Variants in TMEM132D observed in about 807,000 individuals in gnomAD.
TMEM132D encodes transmembrane protein 132D, also known as mature OL transmembrane protein.
A neutral mutation model predicts 62.3 loss-of-function variants in TMEM132D; 21 were observed. The observed-to-expected ratio is 0.34, with a 90% confidence interval of 0.24 to 0.49. TMEM132D has a LOEUF of 0.49. TMEM132D is among the 20% of genes least tolerant of loss of function. TMEM132D has a pLI of 0.99. For missense variants in TMEM132D, 1,346 were observed against 1,402.8 expected, an observed-to-expected ratio of 0.96 and a Z score of 0.65; for synonymous variants, 621 against 575.6, an observed-to-expected ratio of 1.08 and a Z score of -1.13.
At chr12:129,696,490 C>T (rs2123073) in intron 2 of TMEM132D, among the ~76,000 whole-genome samples, 89,205 of 152,072 alleles carry the variant, frequency 0.59, 26,499 homozygotes, top group East Asian at 0.67. Context: ...CTAGGCCCCC[C>T]GGCTGACTGT....
In TMEM132D at chr12:129,700,023, G is replaced by A. The variant is rs1881341076; in HGVS notation, c.755C>T (p.Thr252Ile). The A allele has an allele frequency of 6.2e-7, 1 of 1,613,866 alleles. No individual in the cohort carries two copies. Among genetic ancestry groups the A allele is most frequent in the Non-Finnish European group, 8.5e-7 (1 of 1,180,038 alleles). Residue 252 changes from threonine to isoleucine, a missense_variant, in exon 2 of 9, where the codon ACA becomes ATA. Transcript: ENST00000422113. Reference protein sequence around the residue: ...EDARRSNGIRTGHSDIDESGP... With the variant: ...EDARRSNGIRIGHSDIDESGP... ...GGACTCATCGATGTCACTGTGGCCT[G>A]TCCGGATCCCATTGCTTCTCCTCGC...
intron 1 of TMEM132D, among the ~76,000 whole-genome samples, chr12:129,738,810 ATAG>A (rs1433293152): frequency 8.5e-5 from 13 of 152,186 alleles, no homozygotes; most frequent in African/African-American, 3.1e-4. Context: ...TGCCATCTTA[ATAG>A]TAGAACCTGC....
intron 3 of TMEM132D, among the ~76,000 whole-genome samples, chr12:129,461,463 G>T (rs1468974993): frequency 6.6e-6 from 1 of 151,974 alleles, no homozygotes; most frequent in Non-Finnish European, 1.5e-5. Context: ...AAGATGGACT[G>T]GTATGAAAAA....
chr12:129,478,558 T>A (rs934739472), intron 3 of TMEM132D, among the ~76,000 whole-genome samples: 1 of 152,208 alleles, frequency 6.6e-6, no homozygotes, highest in African/African-American at 2.4e-5. Context: ...TCCAGCCAAG[T>A]ATTTCATTTG....
chr12:129,780,971 G>A (rs1211864434), intron 1 of TMEM132D, among the ~76,000 whole-genome samples: 1 of 152,158 alleles, frequency 6.6e-6, no homozygotes, highest in Non-Finnish European at 1.5e-5. Flanking sequence ...ATAAATGAGA[G>A]GATGATTTGA....
At chr12:129,201,263 G>A (rs569616348) in intron 5 of TMEM132D, among the ~76,000 whole-genome samples, 8 of 152,318 alleles carry the variant, frequency 5.3e-5, no homozygotes, top group Admixed American at 3.3e-4. Flanking sequence ...TTGAGCCCAC[G>A]TCAATCTTCC....
At chr12:129,298,633 T>G (rs1443737181) in intron 4 of TMEM132D, among the ~76,000 whole-genome samples, 1 of 152,202 alleles carries the variant, frequency 6.6e-6, no homozygotes, top group Non-Finnish European at 1.5e-5. Flanking sequence ...TCTGTCTGGC[T>G]CCCCTATTTC....
chr12:129,436,648 G>C (rs537313653), intron 3 of TMEM132D, among the ~76,000 whole-genome samples: 3 of 152,308 alleles, frequency 2.0e-5, no homozygotes, highest in South Asian at 2.1e-4. Flanking sequence ...GAATGAATTA[G>C]ATGCCTTTGT....
intron 2 of TMEM132D, among the ~76,000 whole-genome samples, chr12:129,603,919 CA>C (rs1812044547): frequency 6.6e-6 from 1 of 152,164 alleles, no homozygotes; most frequent in Admixed American, 6.5e-5. Context: ...GGAACCAACC[CA>C]AATGCCCATC....
intron 3 of TMEM132D, among the ~76,000 whole-genome samples, chr12:129,470,998 G>A (rs1182067063): frequency 6.6e-6 from 1 of 152,140 alleles, no homozygotes; most frequent in Non-Finnish European, 1.5e-5. Context: ...GGGTGCATGA[G>A]CATTTCTGGG....
At chr12:129,876,941 A>G (rs960448391) in intron 1 of TMEM132D, among the ~76,000 whole-genome samples, 4 of 152,156 alleles carry the variant, frequency 2.6e-5, no homozygotes, top group African/African-American at 9.7e-5. Context: ...CACTATATGA[A>G]CTGATACAGA....
At chr12:129,468,433 A>G (rs1873988114) in intron 3 of TMEM132D, among the ~76,000 whole-genome samples, 1 of 152,210 alleles carries the variant, frequency 6.6e-6, no homozygotes, top group Non-Finnish European at 1.5e-5. Flanking sequence ...AAGACCTGAA[A>G]GACGTGGATG....
intron 2 of TMEM132D, among the ~76,000 whole-genome samples, chr12:129,587,981 G>A (rs1342252651): frequency 2.0e-5 from 3 of 152,242 alleles, no homozygotes; most frequent in African/African-American, 7.2e-5. Context: ...GCTCCTCCTG[G>A]AGACACCGGG....
At chr12:129,802,220 C>G (rs1337171716) in intron 1 of TMEM132D, among the ~76,000 whole-genome samples, 1 of 148,170 alleles carries the variant, frequency 6.7e-6, no homozygotes, top group Non-Finnish European at 1.5e-5. Flanking sequence ...AAGAGCAACT[C>G]CAAGACACAT....
chr12:129,575,226 T>C (rs1765259144), intron 2 of TMEM132D, among the ~76,000 whole-genome samples: 2 of 151,740 alleles, frequency 1.3e-5, no homozygotes, highest in Non-Finnish European at 2.9e-5. Context: ...ACATACAAAA[T>C]ATGTTAACTG....
chr12:129,151,306 T>C (rs1054752910), intron 5 of TMEM132D, among the ~76,000 whole-genome samples: 3 of 152,146 alleles, frequency 2.0e-5, no homozygotes, highest in East Asian at 1.9e-4. Context: ...ATTAAAGACA[T>C]TGGAGAGAAG....
At chr12:129,901,024 A>G (rs1438894192) in intron 1 of TMEM132D, among the ~76,000 whole-genome samples, 11 of 152,258 alleles carry the variant, frequency 7.2e-5, no homozygotes, top group Admixed American at 7.2e-4. Context: ...ACCTGGTATT[A>G]AAATCTGCCC....
chr12:129,636,362 G>A (rs964500846), intron 2 of TMEM132D, among the ~76,000 whole-genome samples: 1 of 152,180 alleles, frequency 6.6e-6, no homozygotes, highest in Non-Finnish European at 1.5e-5. Flanking sequence ...TGCTATACTA[G>A]AGTCGGGTTA....
intron 3 of TMEM132D, among the ~76,000 whole-genome samples, chr12:129,490,256 C>T (rs1282680815): frequency 2.0e-5 from 3 of 152,032 alleles, no homozygotes; most frequent in Admixed American, 6.6e-5. Flanking sequence ...CTTCTACATC[C>T]ATCTCAGTGC....
Sources: allele counts gnomAD v4.1 joint callset (sites outside exome capture counted in the v4.1 genomes callset), GRCh38; gene constraint gnomAD v4.1.1; transcripts MANE v1.5; gene names NCBI Gene and HGNC (gene_info 2026-07-23, HGNC 2026-07-21).